TMEM132D: variants seen among roughly 807,000 people sequenced by gnomAD.
TMEM132D encodes mature OL transmembrane protein.
In TMEM132D, 21 loss-of-function variants were observed where a neutral mutation model predicts 62.3. The ratio of observed to expected loss-of-function variants is 0.34; its 90% confidence interval spans 0.24 to 0.49. The LOEUF is 0.49. Ranked by LOEUF, TMEM132D falls within the 20% of genes least tolerant of loss-of-function variation. The pLI is 0.99. For synonymous variants in TMEM132D, 621 were observed against 575.6 expected, an observed-to-expected ratio of 1.08 and a Z score of -1.13; for missense variants, 1,346 against 1,402.8, an observed-to-expected ratio of 0.96 and a Z score of 0.65.
At chr12:129,861,175 G>A (rs759305894) in intron 1 of TMEM132D, among the ~76,000 whole-genome samples, 7 of 152,178 alleles carry the variant, frequency 4.6e-5, no homozygotes, top group Non-Finnish European at 7.3e-5. Flanking sequence ...CTGCCTTGCA[G>A]AGTTGAAACC....
chr12:129,903,120 C>T lies in TMEM132D; in HGVS notation c.79+141G>A, dbSNP rs111406380. On this transcript the variant is annotated intron_variant, in intron 1 of 8. Transcript: ENST00000422113. The surrounding 1 kb of genome is among the most constrained non-coding windows in gnomAD (Gnocchi z 6.2). ...CCGCACGAGCGCACGTTCACACGCG[C>T]GCACACACACATGCACACAAGCGCG... 2 of 910,582 alleles carry T rather than the reference C, an allele frequency of 2.2e-6. No individual in the cohort carries two copies. The highest frequency in any genetic ancestry group is 3.4e-6 in the Non-Finnish European group (2 of 595,918). 56.4% of individuals were successfully genotyped at this position (910,582 alleles called of 1,614,324 possible).
chr12:129,286,107 T>C (rs2135614836), intron 4 of TMEM132D, among the ~76,000 whole-genome samples: 1 of 152,320 alleles, frequency 6.6e-6, no homozygotes, highest in East Asian at 1.9e-4. Flanking sequence ...GGAAAGAAAG[T>C]TTCTCTAGTT....
intron 3 of TMEM132D, among the ~76,000 whole-genome samples, chr12:129,456,250 A>C (rs993017229): frequency 1.2e-4 from 19 of 152,192 alleles, no homozygotes; most frequent in African/African-American, 4.1e-4. Flanking sequence ...ATCACCAATA[A>C]GAGAGTATAT....
chr12:129,363,370 T>C (rs1870311112), intron 3 of TMEM132D, among the ~76,000 whole-genome samples: 1 of 152,240 alleles, frequency 6.6e-6, no homozygotes, highest in Non-Finnish European at 1.5e-5. Context: ...ATTTTCCTTA[T>C]GTAGCCACGA....
intron 4 of TMEM132D, among the ~76,000 whole-genome samples, chr12:129,336,892 G>A (rs971780150): frequency 1.3e-5 from 2 of 152,164 alleles, no homozygotes; most frequent in Admixed American, 1.3e-4. Context: ...ACCACTACTT[G>A]CTCAAGACAA....
At chr12:129,681,121 G>A (rs748226921) in intron 2 of TMEM132D, among the ~76,000 whole-genome samples, 1 of 152,188 alleles carries the variant, frequency 6.6e-6, no homozygotes, top group African/African-American at 2.4e-5. Context: ...CAGGGTAAGG[G>A]TAGAAAATAG....
At chr12:129,395,817 T>A (rs1156823241) in intron 3 of TMEM132D, among the ~76,000 whole-genome samples, 2 of 94,176 alleles carry the variant, frequency 2.1e-5, no homozygotes, top group Non-Finnish European at 4.5e-5. Context: ...GATATATCTA[T>A]AACATACTGC....
intron 1 of TMEM132D, among the ~76,000 whole-genome samples, chr12:129,841,880 C>T (rs1013861559): frequency 2.0e-5 from 3 of 150,138 alleles, no homozygotes; most frequent in Non-Finnish European, 4.4e-5. Flanking sequence ...GGCTGATATT[C>T]GTTGAGCACC....
At chr12:129,741,736 T>G (rs1358956319) in intron 1 of TMEM132D, among the ~76,000 whole-genome samples, 1 of 152,194 alleles carries the variant, frequency 6.6e-6, no homozygotes, top group Non-Finnish European at 1.5e-5. Context: ...AAATAAGACT[T>G]TAAGTCCTAT....
chr12:129,578,182 C>T (rs1181990621), intron 2 of TMEM132D, among the ~76,000 whole-genome samples: 5 of 152,142 alleles, frequency 3.3e-5, no homozygotes, highest in South Asian at 2.1e-4. Context: ...CTCGAGCCTT[C>T]GGTCTCAGGC....
intron 1 of TMEM132D, among the ~76,000 whole-genome samples, chr12:129,711,398 A>G (rs889110549): frequency 1.3e-5 from 2 of 152,166 alleles, no homozygotes; most frequent in African/African-American, 4.8e-5. Flanking sequence ...GGTGGAAAGC[A>G]CTCAGCCTGC....
intron 2 of TMEM132D, among the ~76,000 whole-genome samples, chr12:129,560,619 T>A (rs1877193762): frequency 6.6e-6 from 1 of 152,186 alleles, no homozygotes; most frequent in African/African-American, 2.4e-5. Flanking sequence ...TAGTCCTGGT[T>A]CATACTCTCA....
chr12:129,436,508 G>T (rs1283535591), intron 3 of TMEM132D, among the ~76,000 whole-genome samples: 1 of 152,170 alleles, frequency 6.6e-6, no homozygotes, highest in Non-Finnish European at 1.5e-5. Flanking sequence ...GCACTGATAT[G>T]CAAGACTTTT....
At chr12:129,505,504 C>A (rs1056296299) in intron 3 of TMEM132D, among the ~76,000 whole-genome samples, 2 of 152,038 alleles carry the variant, frequency 1.3e-5, no homozygotes, top group African/African-American at 4.8e-5. Context: ...CGGCCTCCCA[C>A]GGTGCTGGGA....
Position 129,073,825 on chromosome 12 carries a change from G to GAATT in TMEM132D, c.*46_*49dup. The GAATT allele has an allele frequency of 6.8e-7, 1 of 1,464,124 alleles. No homozygotes were observed. The highest frequency in any genetic ancestry group is 9.2e-7 in the Non-Finnish European group (1 of 1,087,772). 90.7% of individuals were successfully genotyped at this position (1,464,124 alleles called of 1,614,324 possible). ...GGGGGCACCGTTGCTACACATCCTG[G>GAATT]AATTAAAGGCTGAAAGGTGAGTGAG... On this transcript the variant is annotated 3_prime_UTR_variant, in exon 9 of 9. Coordinates refer to ENST00000422113, the MANE Select transcript of TMEM132D (RefSeq NM_133448.3).
At chr12:129,260,213 A>G (rs1880516485) in intron 4 of TMEM132D, among the ~76,000 whole-genome samples, 1 of 152,194 alleles carries the variant, frequency 6.6e-6, no homozygotes, top group South Asian at 2.1e-4. Flanking sequence ...GCAAGCGAGT[A>G]GGGTGATACA....
chr12:129,586,883 A>C (rs1878044677), intron 2 of TMEM132D, among the ~76,000 whole-genome samples: 1 of 152,190 alleles, frequency 6.6e-6, no homozygotes, highest in Non-Finnish European at 1.5e-5. Flanking sequence ...ATGGCTATAC[A>C]TGTTAAAAAT....
chr12:129,345,494 A>G (rs191799554), intron 3 of TMEM132D, among the ~76,000 whole-genome samples: 43 of 152,296 alleles, frequency 2.8e-4, no homozygotes, highest in African/African-American at 9.1e-4. Flanking sequence ...TCTATGTAAT[A>G]CTGGTATTTG....
intron 1 of TMEM132D, among the ~76,000 whole-genome samples, chr12:129,726,052 C>G (rs1247080283): frequency 2.0e-5 from 3 of 152,160 alleles, no homozygotes; most frequent in Non-Finnish European, 4.4e-5. Context: ...GGTGCTGAGC[C>G]TCTGATGAGC....
Sources: allele counts gnomAD v4.1 joint callset (sites outside exome capture counted in the v4.1 genomes callset), GRCh38; gene constraint gnomAD v4.1.1; non-coding constraint Gnocchi (gnomAD v3.1); transcripts MANE v1.5; gene names NCBI Gene and HGNC (gene_info 2026-07-23, HGNC 2026-07-21).